The following TTC9 variants were observed in gnomAD, a reference collection of about 807,000 sequenced individuals.
The protein encoded by TTC9 is tetratricopeptide repeat domain 9.
Under a neutral mutation model 22.9 loss-of-function variants are expected in TTC9, and 13 were observed. The ratio of observed to expected loss-of-function variants is 0.57; its 90% CI spans 0.37 to 0.90. TTC9 has a LOEUF of 0.90. Ranked by LOEUF, TTC9 falls within the 40% of genes least tolerant of loss-of-function variation. The pLI, the probability that TTC9 is intolerant of heterozygous loss-of-function variation, is 0.01. For missense variants in TTC9, 280 were observed against 291.8 expected (o/e 0.96, Z 0.29); for synonymous variants, 148 against 133.2 (o/e 1.11, Z -0.77).
chr14:70,673,650 G>T lies in TTC9; in HGVS notation c.*2495G>T, dbSNP rs1886328676. 6.6e-6 allele frequency: 1 copy of T among 151,676 alleles called. No individual in the cohort carries two copies. Among genetic ancestry groups the T allele is most frequent in the Admixed American group, 6.6e-5 (1 of 15,224 alleles). The allele number at this position is 151,676 out of a possible 1,614,324, so 9.4% of individuals were successfully genotyped here. The stretch of plus-strand genomic sequence containing the variant: ...GCAGATGGTTTGTTAGGATCTGAAG[G>T]ATGAAGAGAAGGGTAGAGGTCACCT... On this transcript the variant is annotated 3_prime_UTR_variant, in exon 3 of 3. Transcript: ENST00000256367.
chr14:70,648,921 A>G (rs148336010), intron 1 of TTC9, among the ~76,000 whole-genome samples: 15 of 152,338 alleles, frequency 9.8e-5, no homozygotes, highest in African/African-American at 3.1e-4. Context: ...GGAATTATTT[A>G]TTACCACTGT....
At chr14:70,665,366 A>G (rs1294597522) in intron 1 of TTC9, among the ~76,000 whole-genome samples, 2 of 152,132 alleles carry the variant, frequency 1.3e-5, no homozygotes. Flanking sequence ...CTCTCTCTGT[A>G]CAGCTGTATA....
intron 1 of TTC9, among the ~76,000 whole-genome samples, chr14:70,647,748 C>T (rs1403544895): frequency 6.6e-6 from 1 of 152,194 alleles, no homozygotes; most frequent in Non-Finnish European, 1.5e-5. Flanking sequence ...TCAGACTTCA[C>T]TTAAACAAAA....
chr14:70,651,910 A>T lies in TTC9; in HGVS notation c.406+9375A>T, dbSNP rs746990065. On this transcript the variant is annotated intron_variant, in intron 1 of 2. Coordinates refer to ENST00000256367, the MANE Select transcript of TTC9 (RefSeq NM_015351.2). ...CATTCCATTCATTGGATTTTACTGG[A>T]CACTCGCTATGTCTCTCCACAGCCC... Among the ~76,000 whole-genome samples the T allele has an allele frequency of 6.4e-4, 97 of 151,890 alleles. 2 individuals are homozygous for T. The highest frequency in any genetic ancestry group is 1.3e-4 in the Admixed American group (2 of 15,246).
chr14:70,642,142 G>T lies in TTC9; in HGVS notation c.13G>T (p.Gly5Cys). The change falls in exon 1 of 3, where the codon GGC becomes TGC. Residue 5 changes from glycine (G) to cysteine (C), a missense_variant. Coordinates refer to ENST00000256367, the MANE Select transcript of TTC9 (RefSeq NM_015351.2). MERK[G>C]SAAGAKGNPS... is the part of the protein sequence containing the mutation. ...GGGCGGCGGCCGAATGGAGAGAAAG[G>T]GCTCGGCGGCCGGGGCCAAGGGGAA... The T allele has an allele frequency of 1.7e-6, 2 of 1,156,384 alleles. No homozygotes were observed. The highest frequency in any genetic ancestry group is 1.1e-6 in the Non-Finnish European group (1 of 935,188). The allele number at this position is 1,156,384 out of a possible 1,614,324, so 71.6% of individuals were successfully genotyped here.
At chr14:70,664,244 C>T (rs745473408) in intron 1 of TTC9, among the ~76,000 whole-genome samples, 13 of 151,758 alleles carry the variant, frequency 8.6e-5, no homozygotes, top group Non-Finnish European at 1.6e-4. Flanking sequence ...AGCCAGTCCA[C>T]GTCGTCTTAA....
rs1177784273 is a variant in TTC9 at position 70,673,475 on chromosome 14, A to C, written c.*2320A>C. 6.6e-6 allele frequency: 1 copy of C among 152,178 alleles called. No homozygotes were observed. The highest frequency in any genetic ancestry group is 1.5e-5 in the Non-Finnish European group (1 of 68,064). 9.4% of individuals were successfully genotyped at this position (152,178 alleles called of 1,614,324 possible). ...CCACATTCTCCCCAATCCCTACTAT[A>C]TTATGCTGTCTTTCCTCTTCCTCCT... On this transcript the variant is annotated 3_prime_UTR_variant, in exon 3 of 3. Coordinates refer to ENST00000256367, the MANE Select transcript of TTC9 (RefSeq NM_015351.2).
At chr14:70,660,609 G>A (rs2139647230) in intron 1 of TTC9, among the ~76,000 whole-genome samples, 1 of 152,280 alleles carries the variant, frequency 6.6e-6, no homozygotes, top group East Asian at 1.9e-4. Context: ...AAGACCCAGG[G>A]TGATCATATA....
intron 1 of TTC9, among the ~76,000 whole-genome samples, chr14:70,654,779 G>A (rs1001632241): frequency 2.6e-5 from 4 of 152,098 alleles, no homozygotes; most frequent in African/African-American, 4.8e-5. Context: ...AGACTTCAGT[G>A]CAGCCACATG....
intron 1 of TTC9, among the ~76,000 whole-genome samples, chr14:70,666,540 G>A (rs1051848013): frequency 1.3e-5 from 2 of 152,030 alleles, no homozygotes; most frequent in Non-Finnish European, 2.9e-5. Context: ...TTTTTTTCAT[G>A]CTTGCTATGT....
At chr14:70,655,667 G>A (rs1287347230) in intron 1 of TTC9, among the ~76,000 whole-genome samples, 2 of 152,066 alleles carry the variant, frequency 1.3e-5, no homozygotes, top group African/African-American at 4.8e-5. Context: ...ACAGGATGCT[G>A]CTCACTCTGT....
At position 70,673,479 on chromosome 14, in the gene TTC9, T is replaced by C. The variant is rs1480355224; in HGVS notation, c.*2324T>C. Reference sequence around the variant, plus strand: ...ATTCTCCCCAATCCCTACTATATTATGCTGTCTTTCCTCTTCCTCCTAGCT... The same window carrying C: ...ATTCTCCCCAATCCCTACTATATTACGCTGTCTTTCCTCTTCCTCCTAGCT... On this transcript the variant is annotated 3_prime_UTR_variant, in exon 3 of 3. Coordinates refer to ENST00000256367, the MANE Select transcript of TTC9 (RefSeq NM_015351.2). The C allele has an allele frequency of 6.6e-6, 1 of 152,282 alleles. No individual in the cohort carries two copies. The highest frequency in any genetic ancestry group is 1.9e-4 in the East Asian group (1 of 5,192). 9.4% of individuals were successfully genotyped at this position (152,282 alleles called of 1,614,324 possible).
chr14:70,646,184 A>G (rs4902835), intron 1 of TTC9, among the ~76,000 whole-genome samples: 97,814 of 151,950 alleles, frequency 0.64, 31,713 homozygotes, highest in African/African-American at 0.68. Flanking sequence ...CCCTGGGTGT[A>G]ATTTTTGCGT....
chr14:70,667,510 A>G, intron 1 of TTC9, 54 bp from the exon 2 acceptor site: 2 of 1,598,590 alleles, frequency 1.3e-6, no homozygotes, highest in Admixed American at 1.7e-5. Flanking sequence ...CAAGGGAAAC[A>G]TGCAGAGCTG....
chr14:70,654,457 G>A (rs1001726977), intron 1 of TTC9, among the ~76,000 whole-genome samples: 4 of 151,334 alleles, frequency 2.6e-5, no homozygotes, highest in African/African-American at 9.7e-5. Context: ...CGGGCGTGGC[G>A]GTATATGCTT....
chr14:70,642,598 C>A, intron 1 of TTC9, 63 bp downstream of exon 1: 1 of 1,426,476 alleles, frequency 7.0e-7, no homozygotes, highest in Admixed American at 2.4e-5. Context: ...CTCCGCGGAC[C>A]ACTGCGGCGC....
intron 1 of TTC9, among the ~76,000 whole-genome samples, chr14:70,659,106 CTG>C (rs1886105414): frequency 7.4e-6 from 1 of 135,898 alleles, no homozygotes; most frequent in East Asian, 3.1e-4. Flanking sequence ...CACGATAAAA[CTG>C]TATATAACTA....
rs76756459 is a variant in TTC9 at position 70,642,995 on chromosome 14, C to T, written c.406+460C>T. Among the ~76,000 whole-genome samples the T allele has an allele frequency of 6.6e-3, 999 of 152,348 alleles. 6 individuals carry two copies. Among genetic ancestry groups the T allele is most frequent in the Non-Finnish European group, 0.01 (700 of 68,026 alleles). On this transcript the variant is annotated intron_variant, in intron 1 of 2. Coordinates refer to ENST00000256367, the MANE Select transcript of TTC9 (RefSeq NM_015351.2). ...TCGCCTTTTCCCCAACTAACCGCAT[C>T]CCTGTAGGTAAGATCTTCCCCAAGT...
chr14:70,664,409 C>T (rs1162876674), intron 1 of TTC9, among the ~76,000 whole-genome samples: 2 of 152,094 alleles, frequency 1.3e-5, no homozygotes, highest in Admixed American at 6.5e-5. Flanking sequence ...CTGTCACCCC[C>T]TCCACCCCTG....
Sources: allele counts gnomAD v4.1 joint callset (sites outside exome capture counted in the v4.1 genomes callset), GRCh38; gene constraint gnomAD v4.1.1; transcripts MANE v1.5; gene names NCBI Gene and HGNC (gene_info 2026-07-23, HGNC 2026-07-21).